The following SPPL2A variants were observed in gnomAD, a reference collection of about 807,000 sequenced individuals.
The protein encoded by SPPL2A is signal peptide peptidase like 2A.
In SPPL2A, 51 loss-of-function variants were observed where a neutral mutation model predicts 63.8. That is an observed-to-expected ratio of 0.80 (90% CI 0.64 to 1.01). The LOEUF (loss-of-function observed/expected upper bound fraction) is 1.01. Among genes scored for constraint, SPPL2A ranks in the 50% least tolerant of loss-of-function variants. SPPL2A has a pLI of 0.00. For missense variants in SPPL2A, 553 were observed against 622.7 expected (o/e 0.89, Z 1.19); for synonymous variants, 188 against 205.8 (o/e 0.91, Z 0.74).
At chr15:50,727,450 T>G (rs1420374646) in intron 10 of SPPL2A, among the ~76,000 whole-genome samples, 1 of 152,232 alleles carries the variant, frequency 6.6e-6, no homozygotes, top group African/African-American at 2.4e-5. Context: ...TTAAAGCAGA[T>G]TCCCAGGTTG....
intron 4 of SPPL2A, 121 bp downstream of exon 4, chr15:50,747,992 G>A (rs2062872809): frequency 2.1e-6 from 1 of 476,992 alleles, no homozygotes; most frequent in South Asian, 6.0e-5. Context: ...AAACTTGATA[G>A]GCCTTATAGC....
chr15:50,736,870 C>A, intron 6 of SPPL2A, 130 bp from the exon 7 acceptor site: 1 of 515,786 alleles, frequency 1.9e-6, no homozygotes, highest in Non-Finnish European at 3.5e-6. Context: ...TATACGATGA[C>A]CTGAATTACT....
rs755798884 is a variant in SPPL2A, at chr15:50,749,703, G to C, written c.110C>G (p.Thr37Arg). The change falls in exon 2 of 15, where the codon ACA (threonine) becomes AGA (arginine). Residue 37 changes from threonine to arginine, a missense_variant. Thr to Arg is a moderately conservative substitution (Grantham distance 71). Transcript: ENST00000261854. ...EAILHASGNG[T>R]TKDYCMLYNP... ...ATAAAGCATGCAGTAGTCCTTGGTT[G>C]TGCCATTTCCAGACGCATGCAAGAT... The C allele has an allele frequency of 5.0e-6, 8 of 1,613,796 alleles. No homozygotes were observed. The highest frequency in any genetic ancestry group is 6.8e-6 in the Non-Finnish European group (8 of 1,179,672).
intron 5 of SPPL2A, chr15:50,743,330 A>G (rs2062836565): frequency 6.6e-6 from 1 of 152,058 alleles, no homozygotes; most frequent in African/African-American, 2.4e-5. Flanking sequence ...CTAAATCTGA[A>G]TTTGTAGTTT....
At chr15:50,741,334 T>C (rs1321024373) in intron 5 of SPPL2A, among the ~76,000 whole-genome samples, 1 of 150,432 alleles carries the variant, frequency 6.6e-6, no homozygotes, top group Non-Finnish European at 1.5e-5. Flanking sequence ...TATTTTAATA[T>C]ATTTTTAAAA....
intron 5 of SPPL2A, among the ~76,000 whole-genome samples, chr15:50,745,965 C>T (rs1299157056): frequency 4.0e-5 from 6 of 151,838 alleles, no homozygotes; most frequent in Non-Finnish European, 7.4e-5. Flanking sequence ...GCAGGGGAAG[C>T]GCTTGAATCT....
chr15:50,734,412 G>A (rs1370680991), intron 8 of SPPL2A, among the ~76,000 whole-genome samples: 2 of 151,944 alleles, frequency 1.3e-5, no homozygotes, highest in Non-Finnish European at 2.9e-5. Context: ...AGCCAAGCAC[G>A]GAAAGACAAA....
At chr15:50,741,632 G>C (rs1279945426) in intron 5 of SPPL2A, among the ~76,000 whole-genome samples, 3 of 152,070 alleles carry the variant, frequency 2.0e-5, no homozygotes, top group Middle Eastern at 3.2e-3. Context: ...GCAATTTCTT[G>C]AAGGAAAGCA....
In SPPL2A at chr15:50,757,556, G is replaced by A. The variant is rs1471234615; in HGVS notation, c.67-7810C>T. On this transcript the variant is annotated intron_variant, in intron 1 of 14. Transcript: ENST00000261854. ...GTGTCCTCCAGGGCCATCAAATCAA[G>A]CTCACAACAGAATCTTTATATTCAG... Among the ~76,000 whole-genome samples, 9 of 152,050 alleles carry A rather than the reference G, an allele frequency of 5.9e-5. No homozygotes were observed. The East Asian group carries it at 1.2e-3, about 20-fold the overall frequency.
intron 8 of SPPL2A, 97 bp downstream of exon 8, chr15:50,736,004 G>T (rs892044973): frequency 5.7e-5 from 43 of 755,406 alleles, no homozygotes; most frequent in Non-Finnish European, 9.0e-5. Flanking sequence ...TTCTGGCATA[G>T]AAGCAAAAAA....
chr15:50,735,464 C>T (rs1261768208), intron 8 of SPPL2A, among the ~76,000 whole-genome samples: 3 of 151,858 alleles, frequency 2.0e-5, no homozygotes, highest in African/African-American at 7.3e-5. Flanking sequence ...CTGCACTCAA[C>T]TGTGTGGCTA....
chr15:50,748,242 T>C (rs1281811569), intron 3 of SPPL2A, 40 bp from the exon 4 acceptor site: 1 of 737,690 alleles, frequency 1.4e-6, no homozygotes, highest in East Asian at 3.3e-5. Flanking sequence ...TTACTACTAA[T>C]ATATTTATAG....
intron 5 of SPPL2A, chr15:50,742,858 C>T (rs2062832954): frequency 2.0e-5 from 3 of 152,250 alleles, no homozygotes; most frequent in African/African-American, 7.2e-5. Flanking sequence ...GATATGTACT[C>T]CCCTCCAATT....
At chr15:50,738,589 CT>C (rs1444540181) in intron 6 of SPPL2A, among the ~76,000 whole-genome samples, 1 of 151,924 alleles carries the variant, frequency 6.6e-6, no homozygotes, top group Non-Finnish European at 1.5e-5. Flanking sequence ...ATCCTAGGCC[CT>C]AGTTTTCTAG....
chr15:50,765,409 G>T, intron 1 of SPPL2A, 59 bp downstream of exon 1: 1 of 1,372,766 alleles, frequency 7.3e-7, no homozygotes, highest in Non-Finnish European at 9.7e-7. Context: ...GGGAGCCCCG[G>T]CCTTGGCCCC....
At chr15:50,738,223 A>C (rs2062788593) in intron 6 of SPPL2A, among the ~76,000 whole-genome samples, 2 of 151,238 alleles carry the variant, frequency 1.3e-5, no homozygotes, top group African/African-American at 4.9e-5. Context: ...CTAGTTTTTA[A>C]ACTGCTGTCA....
chr15:50,702,583 A>T lies in SPPL2A; in HGVS notation c.*5217T>A, dbSNP rs2062484073. The T allele has an allele frequency of 6.6e-6, 1 of 152,196 alleles. No individual in the cohort carries two copies. Among genetic ancestry groups the T allele is most frequent in the South Asian group, 2.1e-4 (1 of 4,834 alleles). The allele number at this position is 152,196 out of a possible 1,614,324, so 9.4% of individuals were successfully genotyped here. ...AACAGAAGGTATAAAACAGGCAAAAATTACCTAATTTACATTGACTTGTCC... is the reference window on the plus strand; with the variant it reads ...AACAGAAGGTATAAAACAGGCAAAATTTACCTAATTTACATTGACTTGTCC... On this transcript the variant is annotated 3_prime_UTR_variant, in exon 15 of 15. Transcript: ENST00000261854.
chr15:50,723,183 A>C (rs1029363737), intron 12 of SPPL2A, among the ~76,000 whole-genome samples: 4 of 152,192 alleles, frequency 2.6e-5, no homozygotes, highest in African/African-American at 9.6e-5. Context: ...GATGTACCAA[A>C]AGGGAACCCT....
intron 1 of SPPL2A, among the ~76,000 whole-genome samples, chr15:50,753,655 A>C (rs1460867446): frequency 1.3e-5 from 2 of 152,222 alleles, no homozygotes; most frequent in African/African-American, 4.8e-5. Flanking sequence ...TCTCTTAATA[A>C]ATATATCTAG....
Sources: gnomAD v4.1 joint callset for allele counts (sites outside exome capture counted in the v4.1 genomes callset) on GRCh38, gnomAD v4.1.1 for gene constraint, MANE v1.5 for transcripts, NCBI Gene and HGNC (gene_info 2026-07-23, HGNC 2026-07-21) for gene names.